Variants in MRC1 observed in about 807,000 individuals in gnomAD.
MRC1 encodes macrophage mannose receptor 1.
In MRC1, 62 loss-of-function variants were observed where a neutral mutation model predicts 102.9. The observed-to-expected ratio is 0.60, with a 90% confidence interval of 0.49 to 0.74. The LOEUF (loss-of-function observed/expected upper bound fraction) is 0.74. Ranked by LOEUF, MRC1 falls within the 30% of genes least tolerant of loss-of-function variation. The pLI is 0.00. For synonymous variants in MRC1, 457 were observed against 298.4 expected (o/e 1.53, Z -5.48); for missense variants, 1,237 against 862.8 (o/e 1.43, Z -5.43).
At chr10:17,832,848 C>T (rs1838599111) in intron 3 of MRC1, among the ~76,000 whole-genome samples, 1 of 152,038 alleles carries the variant, frequency 6.6e-6, no homozygotes, top group Non-Finnish European at 1.5e-5. Context: ...CTCGGCCTCC[C>T]AAAGTGCTAG....
intron 1 of MRC1, among the ~76,000 whole-genome samples, chr10:17,812,439 A>G (rs1260935334): frequency 2.0e-5 from 3 of 152,154 alleles, no homozygotes; most frequent in African/African-American, 7.2e-5. Context: ...GAAAGGAAGC[A>G]CTGATTTGAC....
At chr10:17,899,205 A>G (rs1833796720) in intron 24 of MRC1, among the ~76,000 whole-genome samples, 1 of 152,212 alleles carries the variant, frequency 6.6e-6, no homozygotes, top group Non-Finnish European at 1.5e-5. Context: ...CAATTTATAC[A>G]ATGAGTATTT....
At chr10:17,852,316 A>C (rs1434218944) in intron 7 of MRC1, among the ~76,000 whole-genome samples, 2 of 152,224 alleles carry the variant, frequency 1.3e-5, no homozygotes, top group African/African-American at 4.8e-5. Flanking sequence ...TTTCATGATG[A>C]AAATGATTAC....
At chr10:17,835,636 A>G (rs1173468752) in intron 4 of MRC1, among the ~76,000 whole-genome samples, 2 of 152,204 alleles carry the variant, frequency 1.3e-5, no homozygotes, top group Non-Finnish European at 2.9e-5. Context: ...CTTCCAAGGA[A>G]GGGTCTCACC....
chr10:17,893,812 A>G (rs1245405157), intron 22 of MRC1, among the ~76,000 whole-genome samples: 4 of 152,350 alleles, frequency 2.6e-5, no homozygotes, highest in African/African-American at 9.6e-5. Flanking sequence ...AAATATATAG[A>G]TCATGCTCAT....
At chr10:17,856,463 G>A in intron 9 of MRC1, 111 bp downstream of exon 9, 2 of 719,054 alleles carry the variant, frequency 2.8e-6, no homozygotes, top group Non-Finnish European at 5.0e-6. Context: ...AAGGGTTTCT[G>A]CTGTCTCAGT....
intron 5 of MRC1, among the ~76,000 whole-genome samples, chr10:17,841,041 A>C (rs1838742077): frequency 6.6e-6 from 1 of 152,332 alleles, no homozygotes. Flanking sequence ...ACAAAACAAT[A>C]AAGGTCTCTG....
At position 17,880,464 on chromosome 10, in the gene MRC1, T is replaced by G. The variant is rs1833498114; in HGVS notation, c.2720-61T>G. 8 of 770,464 alleles carry G rather than the reference T, an allele frequency of 1.0e-5. No individual in the cohort carries two copies. The South Asian group carries it at 1.1e-4, about 11-fold the overall frequency. The allele number at this position is 770,464 out of a possible 1,614,324, so 47.7% of individuals were successfully genotyped here. ...TCTTGTAAAATAGAAATATATTTTT[T>G]AAAATAATGTTTTAAAACATAAACA... On this transcript the variant is annotated intron_variant, in intron 19 of 29. Coordinates refer to ENST00000569591, the MANE Select transcript of MRC1 (RefSeq NM_002438.4).
rs1481906315 is a variant in MRC1, at chr10:17,880,660, A to T, written c.2855A>T (p.Tyr952Phe). The change falls in exon 20 of 30, where the codon TAC (tyrosine) becomes TTC (phenylalanine). Residue 952 changes from tyrosine (Y) to phenylalanine (F), a missense_variant. Tyr to Phe is a conservative substitution (Grantham distance 22). Transcript: ENST00000569591. The part of the protein sequence containing the change: ...PSGCKEGWNF[Y>F]SNKCFKIFGF... ...GGGTGCAAGGAAGGTTGGAATTTCT[A>T]CAGCAACAAGGTACTAGGAAAATTA... 1.0e-5 allele frequency: 8 copies of T among 780,756 alleles called. No individual in the cohort carries two copies. In the African/African-American group the frequency reaches 1.4e-4, roughly 13 times the overall value. 48.4% of individuals were successfully genotyped at this position (780,756 alleles called of 1,614,324 possible). A position where few individuals can be genotyped will look rare whatever the true frequency, so the allele number is the denominator to read the frequency against.
intron 4 of MRC1, among the ~76,000 whole-genome samples, chr10:17,834,801 A>G (rs1270659839): frequency 2.6e-5 from 4 of 152,220 alleles, no homozygotes; most frequent in African/African-American, 4.8e-5. Flanking sequence ...TATCCGTTTT[A>G]GCTTCTAAAA....
At position 17,872,142 on chromosome 10, in the gene MRC1, C is replaced by T; in HGVS notation, c.2344+16C>T. The T allele has an allele frequency of 1.3e-6, 1 of 780,468 alleles. No homozygotes were observed. The allele number at this position is 780,468 out of a possible 1,614,324, so 48.3% of individuals were successfully genotyped here. ...ATACAAAAAGGTATGATCACCTCTT[C>T]TCTCCTTTATCTCAGCTTGGTAGAC... On this transcript the variant is annotated intron_variant, in intron 15 of 29. Transcript: ENST00000569591.
rs1833938644 is a variant in MRC1, at chr10:17,909,340, A to C, written c.4113A>C (p.Thr1371=). The part of the protein sequence containing the change: ...IDAKPTHELL[T]TKADTRKMDP... ...CTAAACCTACTCATGAATTACTTACAACAAAAGGTAAGGCCATTGCAAAAT... is the reference window on the plus strand; with the variant it reads ...CTAAACCTACTCATGAATTACTTACCACAAAAGGTAAGGCCATTGCAAAAT... The change falls in exon 29 of 30, where the codon ACA becomes ACC. Residue 1371 remains threonine (T), a synonymous_variant. Coordinates refer to ENST00000569591, the MANE Select transcript of MRC1 (RefSeq NM_002438.4). The C allele has an allele frequency of 2.3e-6, 2 of 871,876 alleles. No homozygotes were observed. Among genetic ancestry groups the C allele is most frequent in the Non-Finnish European group, 4.0e-6 (2 of 501,086 alleles). 54.0% of individuals were successfully genotyped at this position (871,876 alleles called of 1,614,324 possible).
At chr10:17,843,196 G>A (rs1838775848) in intron 5 of MRC1, among the ~76,000 whole-genome samples, 1 of 146,648 alleles carries the variant, frequency 6.8e-6, no homozygotes, top group South Asian at 2.3e-4. Context: ...TTACTAATTA[G>A]CACATCAATT....
chr10:17,851,664 C>A (rs1838918763), intron 7 of MRC1, among the ~76,000 whole-genome samples: 1 of 152,140 alleles, frequency 6.6e-6, no homozygotes, highest in African/African-American at 2.4e-5. Flanking sequence ...GTTAGTTTTT[C>A]TTTGATCTTC....
intron 5 of MRC1, among the ~76,000 whole-genome samples, chr10:17,842,195 T>C (rs1002452082): frequency 2.0e-5 from 3 of 152,292 alleles, no homozygotes; most frequent in East Asian, 1.9e-4. Context: ...ACTTCTGAAC[T>C]CAAGTGATGT....
chr10:17,872,116 G>C lies in MRC1; in HGVS notation c.2334G>C (p.Gln778His). The change falls in exon 15 of 30, where the codon CAG (glutamine) becomes CAC (histidine). Residue 778 changes from glutamine (Q) to histidine (H), a missense_variant. Physicochemically the swap from Gln to His is conservative, Grantham distance 24. Transcript: ENST00000569591. ...NCEHLNNWIC[Q>H]IQKGQTPKPE... ...AACACCTTAACAACTGGATTTGCCA[G>C]ATACAAAAAGGTATGATCACCTCTT... 1.3e-6 allele frequency: 1 copy of C among 780,582 alleles called. No homozygotes were observed. Among genetic ancestry groups the C allele is most frequent in the Admixed American group, 1.7e-5 (1 of 59,026 alleles). 48.4% of individuals were successfully genotyped at this position (780,582 alleles called of 1,614,324 possible). A position where few individuals can be genotyped will look rare whatever the true frequency, so the allele number is the denominator to read the frequency against.
chr10:17,826,169 C>T (rs1482151990), intron 2 of MRC1, among the ~76,000 whole-genome samples: 2 of 150,064 alleles, frequency 1.3e-5, no homozygotes, highest in Admixed American at 1.3e-4. Context: ...ATCAAAATGA[C>T]TAAATGTCTT....
At chr10:17,809,780 A>G (rs1034891901) in intron 1 of MRC1, among the ~76,000 whole-genome samples, 1 of 152,112 alleles carries the variant, frequency 6.6e-6, no homozygotes, top group Non-Finnish European at 1.5e-5. Context: ...ACAGACCTTC[A>G]GTGTCCTCCT....
At chr10:17,890,744 G>A (rs902987001) in intron 22 of MRC1, among the ~76,000 whole-genome samples, 2 of 152,136 alleles carry the variant, frequency 1.3e-5, no homozygotes. Flanking sequence ...TGAAAGCTGG[G>A]TATATATTAC....
Sources: allele counts gnomAD v4.1 joint callset (sites outside exome capture counted in the v4.1 genomes callset), GRCh38; gene constraint gnomAD v4.1.1; transcripts MANE v1.5; gene names NCBI Gene and HGNC (gene_info 2026-07-23, HGNC 2026-07-21).